The following TPTE variants were observed in gnomAD, a reference collection of about 807,000 sequenced individuals.
The protein encoded by TPTE is putative tyrosine-protein phosphatase TPTE.
In TPTE, 59 loss-of-function variants were observed where a neutral mutation model predicts 84.1. That is an observed-to-expected ratio of 0.70 (90% CI 0.57 to 0.87). The LOEUF (loss-of-function observed/expected upper bound fraction) is 0.87. Among genes scored for constraint, TPTE ranks in the 40% least tolerant of loss-of-function variants. The probability of loss-of-function intolerance (pLI) is 0.00; values close to 1 mark genes in which losing one functional copy is unlikely to be tolerated. For synonymous variants in TPTE, 130 were observed against 223.5 expected (o/e 0.58, Z 3.73); for missense variants, 382 against 659.6 (o/e 0.58, Z 4.61).
chr21:10,568,193 C>T (rs2074966254), intron 11 of TPTE, among the ~76,000 whole-genome samples: 1 of 152,310 alleles, frequency 6.6e-6, no homozygotes, highest in Admixed American at 6.5e-5. Context: ...ATATTGAAAA[C>T]AATTCCCCTC....
At chr21:10,541,790 T>A (rs1270825433) in intron 5 of TPTE, among the ~76,000 whole-genome samples, 2 of 152,426 alleles carry the variant, frequency 1.3e-5, no homozygotes, top group East Asian at 3.9e-4. Context: ...GAAGAGAGAA[T>A]CCTGTTTGGA....
chr21:10,524,419 A>G (rs921353318), intron 1 of TPTE, among the ~76,000 whole-genome samples, 161 bp from the exon 2 acceptor site: 5 of 152,308 alleles, frequency 3.3e-5, no homozygotes, highest in Non-Finnish European at 5.9e-5. Flanking sequence ...TGTAAGGCCA[A>G]ATAGCAATAA....
rs541394397 is a variant in TPTE at position 10,539,375 on chromosome 21, C to A, written c.11+641C>A. On this transcript the variant is annotated intron_variant, in intron 4 of 23. Coordinates refer to ENST00000618007, the MANE Select transcript of TPTE (RefSeq NM_199261.4). The stretch of plus-strand genomic sequence containing the variant: ...ATTGGATGCAGCCGTTCCTTAGGCC[C>A]ACAGCTACTTGCCTGTGTCCCATGG... Among the ~76,000 whole-genome samples the A allele has an allele frequency of 5.2e-5, 8 of 152,424 alleles. No homozygotes were observed. The South Asian group carries it at 8.3e-4, about 16-fold the overall frequency.
At chr21:10,594,824 G>C (rs548949991) in intron 19 of TPTE, among the ~76,000 whole-genome samples, 40 of 152,296 alleles carry the variant, frequency 2.6e-4, no homozygotes, top group African/African-American at 8.7e-4. Context: ...TCAGGACAGA[G>C]TGCCCTCTGT....
At chr21:10,534,776 C>T (rs1457551362) in intron 3 of TPTE, among the ~76,000 whole-genome samples, 1 of 152,300 alleles carries the variant, frequency 6.6e-6, no homozygotes, top group Non-Finnish European at 1.5e-5. Context: ...ATGTAACATC[C>T]TTTTCTTTTT....
chr21:10,560,792 A>T (rs866922972), intron 9 of TPTE, among the ~76,000 whole-genome samples: 24 of 152,422 alleles, frequency 1.6e-4, no homozygotes, highest in African/African-American at 4.6e-4. Context: ...TGTTTACTAT[A>T]ATATCTTGTG....
At chr21:10,600,156 T>TTTTTTTTC (rs112372026) in intron 21 of TPTE, among the ~76,000 whole-genome samples, 1 of 151,454 alleles carries the variant, frequency 6.6e-6, no homozygotes, top group African/African-American at 2.5e-5. Flanking sequence ...TTTTTTTTTT[T>TTTTTTTTC]GAGACGGAGT....
At chr21:10,573,059 TA>T (rs56182104) in intron 14 of TPTE, among the ~76,000 whole-genome samples, 254 of 146,428 alleles carry the variant, frequency 1.7e-3, no homozygotes, top group Middle Eastern at 3.5e-3. Flanking sequence ...TGCCAAGATT[TA>T]AAAAAAAAAA....
At position 10,562,924 on chromosome 21, in the gene TPTE, A is replaced by T. The variant is rs567799444; in HGVS notation, c.446+1733A>T. The stretch of plus-strand genomic sequence containing the variant: ...AAGAAAGTTATAAAACACCAAGCAG[A>T]TGTAACTCAAAGAAGACTACCTCAA... On this transcript the variant is annotated intron_variant, in intron 10 of 23. Transcript: ENST00000618007. 9.8e-5 allele frequency among the ~76,000 whole-genome samples: 15 copies of T among 152,418 alleles called. No individual in the cohort carries two copies. In the East Asian group the frequency reaches 2.9e-3, roughly 29 times the overall value.
chr21:10,550,969 C>A (rs2074561195), intron 7 of TPTE, among the ~76,000 whole-genome samples: 2 of 152,306 alleles, frequency 1.3e-5, no homozygotes, highest in South Asian at 4.1e-4. Flanking sequence ...ACTATACAGA[C>A]ATATGGAAAT....
chr21:10,549,562 A>C (rs1359180101), intron 7 of TPTE, among the ~76,000 whole-genome samples: 2 of 152,306 alleles, frequency 1.3e-5, no homozygotes, highest in Non-Finnish European at 2.9e-5. Flanking sequence ...GAAAAAATAC[A>C]ATCAATGGCT....
In TPTE at chr21:10,604,770, C is replaced by T. The variant is rs368174523; in HGVS notation, c.1521-647C>T. Among the ~76,000 whole-genome samples, 65 of 152,146 alleles carry T rather than the reference C, an allele frequency of 4.3e-4. No homozygotes were observed. The East Asian group carries it at 7.2e-3, about 17-fold the overall frequency. ...TTTTTTTCCTTTAAAACACTATGTT[C>T]ATTTTGGAGAAGTGATAAGCTAGGT... On this transcript the variant is annotated intron_variant, in intron 23 of 23. Coordinates refer to ENST00000618007, the MANE Select transcript of TPTE (RefSeq NM_199261.4).
intron 8 of TPTE, among the ~76,000 whole-genome samples, chr21:10,556,877 T>C (rs1368241596): frequency 6.6e-6 from 1 of 152,302 alleles, no homozygotes; most frequent in Non-Finnish European, 1.5e-5. Flanking sequence ...TTGCCCACTT[T>C]TTGATGGGGT....
intron 7 of TPTE, among the ~76,000 whole-genome samples, chr21:10,545,595 A>T (rs1394765979): frequency 5.3e-5 from 8 of 152,296 alleles, no homozygotes. Context: ...ATTGAAAACT[A>T]CTGACATTAT....
At chr21:10,599,739 A>C (rs1165502696) in intron 21 of TPTE, among the ~76,000 whole-genome samples, 2 of 152,310 alleles carry the variant, frequency 1.3e-5, no homozygotes, top group Admixed American at 6.5e-5. Flanking sequence ...TAGCTTGACC[A>C]GCAGACTTCA....
At chr21:10,523,965 T>G (rs1329113632) in intron 1 of TPTE, among the ~76,000 whole-genome samples, 42 of 152,418 alleles carry the variant, frequency 2.8e-4, no homozygotes, top group African/African-American at 1.0e-3. Flanking sequence ...ACCTGTTGTT[T>G]CCTGACTTTT....
intron 3 of TPTE, among the ~76,000 whole-genome samples, chr21:10,532,980 G>A (rs1185067519): frequency 2.5e-4 from 38 of 152,402 alleles, no homozygotes; most frequent in African/African-American, 9.1e-4. Context: ...GATACTTAAA[G>A]CTGATATATT....
Position 10,590,508 on chromosome 21 carries a change from A to G in TPTE, c.1074A>G (p.Ile358Met), listed in dbSNP as rs1174648889. The change falls in exon 18 of 24, where the codon ATA (isoleucine) becomes ATG (methionine). Residue 358 changes from isoleucine (I) to methionine (M), a missense_variant. Around this residue, in one of 10 missense-constraint regions of TPTE, gnomAD observed 37 missense variants for 28.3 expected, o/e 1.31. Coordinates refer to ENST00000618007, the MANE Select transcript of TPTE (RefSeq NM_199261.4). ...GTGCCTTCCTTATTGCCTCTGAAATATGTTCAACTGCAAAGGTATGAAAGA... is the reference window on the plus strand; with the variant it reads ...GTGCCTTCCTTATTGCCTCTGAAATGTGTTCAACTGCAAAGGTATGAAAGA... ...MVCAFLIASE[I>M]CSTAKESLYY... 2 of 1,614,118 alleles carry G rather than the reference A, an allele frequency of 1.2e-6. No homozygotes were observed. Among genetic ancestry groups the G allele is most frequent in the African/African-American group, 1.3e-5 (1 of 75,086 alleles).
chr21:10,539,515 G>T (rs1415505224), intron 4 of TPTE, among the ~76,000 whole-genome samples: 8 of 152,304 alleles, frequency 5.3e-5, no homozygotes, highest in Non-Finnish European at 1.2e-4. Context: ...GAATTTAAAA[G>T]AAATTCACCC....
Sources: allele counts gnomAD v4.1 joint callset (sites outside exome capture counted in the v4.1 genomes callset), GRCh38; gene constraint gnomAD v4.1.1; regional missense constraint gnomAD v4.1.1; transcripts MANE v1.5; gene names NCBI Gene and HGNC (gene_info 2026-07-23, HGNC 2026-07-21).